Variants in AGBL3 observed in about 807,000 individuals in gnomAD.
AGBL3 encodes AGBL carboxypeptidase 3.
In AGBL3, 68 loss-of-function variants were observed where a neutral mutation model predicts 94.5. The ratio of observed to expected loss-of-function variants is 0.72; its 90% CI spans 0.59 to 0.88. The LOEUF (loss-of-function observed/expected upper bound fraction) is 0.88. Ranked by LOEUF, AGBL3 falls within the 40% of genes least tolerant of loss-of-function variation. AGBL3 has a pLI of 0.00. For synonymous variants in AGBL3, 354 were observed against 370.7 expected (o/e 0.95, Z 0.52); for missense variants, 934 against 1,103.8 (o/e 0.85, Z 2.18).
At chr7:135,102,753 C>T (rs1470693478) in intron 15 of AGBL3, among the ~76,000 whole-genome samples, 1 of 150,870 alleles carries the variant, frequency 6.6e-6, no homozygotes, top group Non-Finnish European at 1.5e-5. Flanking sequence ...TTGTCTTACA[C>T]CATAGCAAAA....
chr7:135,008,889 A>T (rs957801522), intron 4 of AGBL3, among the ~76,000 whole-genome samples: 1 of 152,236 alleles, frequency 6.6e-6, no homozygotes, highest in Non-Finnish European at 1.5e-5. Flanking sequence ...AATATGTTCA[A>T]CATCTTTAGT....
At chr7:135,031,250 T>C (rs1442419651) in intron 5 of AGBL3, among the ~76,000 whole-genome samples, 1 of 152,106 alleles carries the variant, frequency 6.6e-6, no homozygotes, top group African/African-American at 2.4e-5. Flanking sequence ...CTGTATTATA[T>C]TCTTTTATTT....
intron 15 of AGBL3, among the ~76,000 whole-genome samples, chr7:135,096,353 A>AAG (rs1211651160): frequency 1.6e-3 from 243 of 149,794 alleles, no homozygotes; most frequent in African/African-American, 5.7e-3. Flanking sequence ...GAAAGAAAGA[A>AAG]AGAGAGAGAC....
intron 5 of AGBL3, among the ~76,000 whole-genome samples, chr7:135,025,795 A>G (rs984403330): frequency 6.6e-6 from 1 of 151,734 alleles, no homozygotes; most frequent in African/African-American, 2.4e-5. Flanking sequence ...CACGATTCTT[A>G]TATCAGATGA....
intron 3 of AGBL3, among the ~76,000 whole-genome samples, chr7:134,991,201 T>TG (rs58596813): frequency 0.29 from 22,929 of 79,992 alleles, 2,599 homozygotes; most frequent in Admixed American, 0.41. Context: ...TGTGTGTGGG[T>TG]GGGGGGGGGG....
At chr7:135,044,315 A>C (rs757729252) in intron 9 of AGBL3, among the ~76,000 whole-genome samples, 164 bp downstream of exon 9, 22 of 152,106 alleles carry the variant, frequency 1.4e-4, no homozygotes, top group Non-Finnish European at 3.1e-4. Flanking sequence ...AAAATATGGT[A>C]TCTCTATTTC....
intron 7 of AGBL3, among the ~76,000 whole-genome samples, chr7:135,036,192 G>C (rs1460771761): frequency 6.6e-6 from 1 of 151,932 alleles, no homozygotes; most frequent in Non-Finnish European, 1.5e-5. Flanking sequence ...ATTTTGATTA[G>C]TTAAGTAATA....
intron 3 of AGBL3, among the ~76,000 whole-genome samples, chr7:134,992,964 T>C (rs1810487795): frequency 6.6e-6 from 1 of 152,184 alleles, no homozygotes; most frequent in South Asian, 2.1e-4. Flanking sequence ...TGCCGTACAG[T>C]ATCACACCAA....
chr7:135,022,387 T>C (rs1814602531), intron 5 of AGBL3, among the ~76,000 whole-genome samples: 1 of 152,242 alleles, frequency 6.6e-6, no homozygotes, highest in African/African-American at 2.4e-5. Context: ...TATCTCATTG[T>C]GGTTTTGATT....
At chr7:135,052,203 T>G (rs925666290) in intron 11 of AGBL3, among the ~76,000 whole-genome samples, 1 of 152,150 alleles carries the variant, frequency 6.6e-6, no homozygotes, top group Non-Finnish European at 1.5e-5. Flanking sequence ...AACTACATAT[T>G]TTCATGTCCC....
chr7:135,113,722 AGTGTT>A (rs1825945812), intron 15 of AGBL3, among the ~76,000 whole-genome samples: 1 of 152,234 alleles, frequency 6.6e-6, no homozygotes, highest in African/African-American at 2.4e-5. Context: ...ACAATTCAGT[AGTGTT>A]AAGTACAGTC....
At chr7:135,030,594 G>C in intron 5 of AGBL3, among the ~76,000 whole-genome samples, 1 of 152,002 alleles carries the variant, frequency 6.6e-6, no homozygotes, top group Non-Finnish European at 1.5e-5. Context: ...TGAACTTTTT[G>C]GATCCATAGG....
At chr7:135,037,730 T>C in intron 8 of AGBL3, 150 bp downstream of exon 8, 1 of 606,026 alleles carries the variant, frequency 1.7e-6, no homozygotes, top group Non-Finnish European at 2.5e-6. Context: ...AAAGCAACTA[T>C]ATAGAACTAC....
chr7:135,125,113 CTGT>C (rs1827685906), intron 16 of AGBL3, among the ~76,000 whole-genome samples: 1 of 151,934 alleles, frequency 6.6e-6, no homozygotes, highest in Non-Finnish European at 1.5e-5. Flanking sequence ...ACTCCAGCAG[CTGT>C]TTTTTTAAAA....
At chr7:135,013,992 C>T (rs766887151) in intron 4 of AGBL3, among the ~76,000 whole-genome samples, 2 of 151,946 alleles carry the variant, frequency 1.3e-5, no homozygotes, top group South Asian at 2.1e-4. Flanking sequence ...CTCAGGAGTT[C>T]GAGACCAGCC....
At chr7:135,090,843 C>T (rs1445698428) in intron 15 of AGBL3, among the ~76,000 whole-genome samples, 4 of 152,096 alleles carry the variant, frequency 2.6e-5, no homozygotes, top group African/African-American at 4.8e-5. Flanking sequence ...ACCACCAGCC[C>T]TGGGGTGTTT....
intron 15 of AGBL3, among the ~76,000 whole-genome samples, chr7:135,088,325 G>A (rs575973042): frequency 6.6e-6 from 1 of 151,976 alleles, no homozygotes; most frequent in Non-Finnish European, 1.5e-5. Flanking sequence ...AATAGGTGAG[G>A]ACATACTCCT....
At chr7:135,035,943 T>C (rs1302721863) in intron 7 of AGBL3, among the ~76,000 whole-genome samples, 1 of 152,106 alleles carries the variant, frequency 6.6e-6, no homozygotes, top group East Asian at 1.9e-4. Context: ...ATGTTATCAA[T>C]GAGAATTTAT....
intron 13 of AGBL3, 52 bp from the exon 14 acceptor site, chr7:135,080,151 C>A (rs1820799094): frequency 1.6e-6 from 2 of 1,255,174 alleles, no homozygotes; most frequent in East Asian, 2.5e-5. Flanking sequence ...AAATATACCC[C>A]ATTTCATGTT....
Sources: gnomAD v4.1 joint callset for allele counts (sites outside exome capture counted in the v4.1 genomes callset) on GRCh38, gnomAD v4.1.1 for gene constraint, MANE v1.5 for transcripts, NCBI Gene and HGNC (gene_info 2026-07-23, HGNC 2026-07-21) for gene names.